The following TBC1D22A variants were observed in gnomAD, a reference collection of about 807,000 sequenced individuals.
The protein encoded by TBC1D22A is TBC1 domain family member 22A.
Under a neutral mutation model 60.2 loss-of-function variants are expected in TBC1D22A, and 38 were observed. That is an observed-to-expected ratio of 0.63 (90% confidence interval 0.49 to 0.83). The LOEUF is 0.83. TBC1D22A is among the 40% of genes least tolerant of loss of function. The pLI, the probability that TBC1D22A is intolerant of heterozygous loss-of-function variation, is 0.00. For missense variants in TBC1D22A, 628 were observed against 701.0 expected, an observed-to-expected ratio of 0.90 and a Z score of 1.18; for synonymous variants, 302 against 281.7, an observed-to-expected ratio of 1.07 and a Z score of -0.72.
intron 8 of TBC1D22A, among the ~76,000 whole-genome samples, chr22:46,945,804 G>A (rs888184115): frequency 1.3e-5 from 2 of 152,122 alleles, no homozygotes; most frequent in African/African-American, 2.4e-5. Context: ...CTGTAGAGGC[G>A]GGTCGAGGCA....
At chr22:46,790,662 G>C (rs1185861090) in intron 1 of TBC1D22A, among the ~76,000 whole-genome samples, 1 of 151,986 alleles carries the variant, frequency 6.6e-6, no homozygotes, top group African/African-American at 2.4e-5. Flanking sequence ...AAAAAAAAAA[G>C]TTTTACCTTA....
chr22:46,824,293 G>T (rs2085954865), intron 4 of TBC1D22A, among the ~76,000 whole-genome samples: 1 of 152,042 alleles, frequency 6.6e-6, no homozygotes, highest in Non-Finnish European at 1.5e-5. Flanking sequence ...AAGGTGATTT[G>T]GATGGTCATT....
chr22:46,778,502 A>G (rs761554253), intron 1 of TBC1D22A, among the ~76,000 whole-genome samples: 4 of 151,864 alleles, frequency 2.6e-5, no homozygotes, highest in Non-Finnish European at 5.9e-5. Context: ...ACACAGACAC[A>G]CACATTAGCC....
At chr22:46,829,004 ACT>A (rs1243162540) in intron 4 of TBC1D22A, among the ~76,000 whole-genome samples, 1 of 151,824 alleles carries the variant, frequency 6.6e-6, no homozygotes, top group African/African-American at 2.4e-5. Context: ...AAGGTCACAC[ACT>A]CTCCAATGTC....
intron 4 of TBC1D22A, among the ~76,000 whole-genome samples, chr22:46,858,471 G>C (rs748059743): frequency 6.7e-6 from 1 of 148,166 alleles, no homozygotes; most frequent in Admixed American, 6.7e-5. Context: ...ACCCCCCCCA[G>C]CTCTGATCCA....
intron 8 of TBC1D22A, among the ~76,000 whole-genome samples, chr22:46,973,795 C>T (rs1390588482): frequency 3.3e-5 from 5 of 152,180 alleles, no homozygotes; most frequent in African/African-American, 7.2e-5. Context: ...CTATCTTTGA[C>T]GCACATCTGT....
At chr22:47,083,024 G>C (rs546336688) in intron 11 of TBC1D22A, among the ~76,000 whole-genome samples, 1 of 152,230 alleles carries the variant, frequency 6.6e-6, no homozygotes, top group Non-Finnish European at 1.5e-5. Flanking sequence ...CAACGTGGAT[G>C]AATCTCAGAA....
At position 46,762,736 on chromosome 22, in the gene TBC1D22A, C is replaced by G; in HGVS notation, c.-51C>G. 1 of 1,390,680 alleles carries G rather than the reference C, an allele frequency of 7.2e-7. No individual in the cohort carries two copies. Among genetic ancestry groups the G allele is most frequent in the South Asian group, 1.7e-5 (1 of 59,110 alleles). The allele number at this position is 1,390,680 out of a possible 1,614,324, so 86.1% of individuals were successfully genotyped here. ...CAGGAAAGGGCCGCTAGGGGAGGGC[C>G]GGGTGCACTCGGGGTGTCTGGGCCG... On this transcript the variant is annotated 5_prime_UTR_variant, in exon 1 of 13. Coordinates refer to ENST00000337137, the MANE Select transcript of TBC1D22A (RefSeq NM_014346.5).
At chr22:47,168,433 G>A (rs768448704) in intron 12 of TBC1D22A, among the ~76,000 whole-genome samples, 13 of 150,778 alleles carry the variant, frequency 8.6e-5, no homozygotes, top group Non-Finnish European at 1.6e-4. Flanking sequence ...CTGTGGGCTC[G>A]GTTTTGGGGA....
In TBC1D22A at chr22:47,110,821, G is replaced by A. The variant is rs372682498; in HGVS notation, c.1330-687G>A. ...AACTAACACCATAGCCCCAAGGTGTGCAAGCCCCGAGCCTCGGTGTGGGAG... is the reference window on the plus strand; with the variant it reads ...AACTAACACCATAGCCCCAAGGTGTACAAGCCCCGAGCCTCGGTGTGGGAG... On this transcript the variant is annotated intron_variant, in intron 11 of 12. Coordinates refer to ENST00000337137, the MANE Select transcript of TBC1D22A (RefSeq NM_014346.5). Among the ~76,000 whole-genome samples, 10 of 152,322 alleles carry A rather than the reference G, an allele frequency of 6.6e-5. No homozygotes were observed. In the East Asian group the frequency reaches 7.7e-4, roughly 12 times the overall value.
At chr22:47,003,582 C>T (rs2061470303) in intron 10 of TBC1D22A, among the ~76,000 whole-genome samples, 1 of 148,022 alleles carries the variant, frequency 6.8e-6, no homozygotes, top group Non-Finnish European at 1.5e-5. Flanking sequence ...TGCCTGTATA[C>T]ACACACCCTA....
intron 10 of TBC1D22A, among the ~76,000 whole-genome samples, chr22:47,019,673 C>T (rs1407895802): frequency 8.6e-5 from 13 of 151,760 alleles, no homozygotes; most frequent in African/African-American, 2.4e-4. Flanking sequence ...TGTGAGCAGT[C>T]GGGGGTGTGC....
chr22:47,065,625 C>A, intron 11 of TBC1D22A, among the ~76,000 whole-genome samples: 1 of 152,402 alleles, frequency 6.6e-6, no homozygotes, highest in Admixed American at 6.5e-5. Context: ...GAGGACTTAG[C>A]AGGCCTCGGA....
At chr22:46,974,869 C>T (rs933598464) in intron 9 of TBC1D22A, among the ~76,000 whole-genome samples, 2 of 152,236 alleles carry the variant, frequency 1.3e-5, no homozygotes, top group South Asian at 2.1e-4. Context: ...TGTGCCTGCT[C>T]CCAGAGAGCA....
rs529981361 is a variant in TBC1D22A, at chr22:46,983,928, G to A, written c.1125+9529G>A. Among the ~76,000 whole-genome samples the A allele has an allele frequency of 1.2e-3, 180 of 152,180 alleles. 1 individual carries two copies. The highest frequency in any genetic ancestry group is 4.1e-3 in the African/African-American group (172 of 41,520). On this transcript the variant is annotated intron_variant, in intron 9 of 12. Coordinates refer to ENST00000337137, the MANE Select transcript of TBC1D22A (RefSeq NM_014346.5). ...AGCTGAGGGAACACTTCTTTAAGAA[G>A]GATTGCTTTAACACAGCATGTTGGC...
intron 10 of TBC1D22A, among the ~76,000 whole-genome samples, chr22:47,025,251 T>A (rs914452134): frequency 6.6e-6 from 1 of 152,220 alleles, no homozygotes; most frequent in African/African-American, 2.4e-5. Context: ...GTCAACAAAC[T>A]TGACTTAATT....
At chr22:46,967,567 C>T (rs893661617) in intron 8 of TBC1D22A, among the ~76,000 whole-genome samples, 11 of 152,230 alleles carry the variant, frequency 7.2e-5, no homozygotes, top group African/African-American at 1.4e-4. Flanking sequence ...TGGCACTCCC[C>T]GTCGGGGCTG....
intron 12 of TBC1D22A, among the ~76,000 whole-genome samples, chr22:47,137,470 C>T (rs1165753030): frequency 6.6e-6 from 1 of 152,194 alleles, no homozygotes; most frequent in African/African-American, 2.4e-5. Context: ...CATCCTGCAC[C>T]TCCCTGCACC....
intron 7 of TBC1D22A, among the ~76,000 whole-genome samples, chr22:46,911,361 T>G (rs573520066): frequency 2.6e-5 from 4 of 152,266 alleles, no homozygotes; most frequent in African/African-American, 9.6e-5. Flanking sequence ...AGAAATCTGT[T>G]TACTTTATGA....
Sources: allele counts gnomAD v4.1 joint callset (sites outside exome capture counted in the v4.1 genomes callset), GRCh38; gene constraint gnomAD v4.1.1; transcripts MANE v1.5; gene names NCBI Gene and HGNC (gene_info 2026-07-23, HGNC 2026-07-21).